Variants in AKAP6 observed in about 807,000 individuals in gnomAD.
AKAP6 encodes A-kinase anchoring protein 6.
Under a neutral mutation model 188.5 loss-of-function variants are expected in AKAP6, and 58 were observed. The observed-to-expected ratio is 0.31, with a 90% CI of 0.25 to 0.38. The LOEUF is 0.38. Among genes scored for constraint, AKAP6 ranks in the 10% least tolerant of loss-of-function variants. AKAP6 has a pLI of 1.00. For synonymous variants in AKAP6, 989 were observed against 998.6 expected (o/e 0.99, Z 0.18); for missense variants, 2,710 against 2,740.0 (o/e 0.99, Z 0.24).
chr14:32,433,878 G>A (rs1890298487), intron 2 of AKAP6, 61 bp downstream of exon 2: 3 of 1,486,410 alleles, frequency 2.0e-6, no homozygotes, highest in African/African-American at 1.4e-5. Context: ...GGCACCTAGA[G>A]ACTGTGTTCT....
intron 12 of AKAP6, among the ~76,000 whole-genome samples, chr14:32,783,442 T>C (rs974704374): frequency 6.6e-6 from 1 of 152,112 alleles, no homozygotes; most frequent in Non-Finnish European, 1.5e-5. Context: ...CATAAAATTT[T>C]ACATTGTAAT....
At chr14:32,740,255 C>A (rs553500794) in intron 11 of AKAP6, among the ~76,000 whole-genome samples, 2 of 151,890 alleles carry the variant, frequency 1.3e-5, no homozygotes, top group East Asian at 3.9e-4. Flanking sequence ...TGTTTGAGCT[C>A]CTTGTATATT....
intron 12 of AKAP6, among the ~76,000 whole-genome samples, chr14:32,789,293 G>T (rs2033532790): frequency 6.6e-6 from 1 of 152,220 alleles, no homozygotes; most frequent in Non-Finnish European, 1.5e-5. Context: ...AGCCATTCCA[G>T]CCTGCCAGCT....
chr14:32,361,722 C>A (rs1468027816), intron 1 of AKAP6, among the ~76,000 whole-genome samples: 3 of 152,110 alleles, frequency 2.0e-5, no homozygotes, highest in Non-Finnish European at 4.4e-5. Flanking sequence ...CAACAGAGAC[C>A]AGAGCTCACT....
At chr14:32,828,525 TCTCTCACACACACACACACA>T (rs1290888858) in intron 13 of AKAP6, among the ~76,000 whole-genome samples, 82 of 96,828 alleles carry the variant, frequency 8.5e-4, no homozygotes, top group Middle Eastern at 5.7e-3. Flanking sequence ...TCTCTCTCTC[TCTCTCACACACACACACACA>T]CACACACACA....
intron 2 of AKAP6, among the ~76,000 whole-genome samples, chr14:32,464,960 G>A (rs1199683743): frequency 6.6e-6 from 1 of 152,052 alleles, no homozygotes; most frequent in East Asian, 1.9e-4. Flanking sequence ...TAGACAAACA[G>A]TCAAATCACG....
At chr14:32,516,308 T>C (rs1232615395) in intron 2 of AKAP6, among the ~76,000 whole-genome samples, 1 of 152,160 alleles carries the variant, frequency 6.6e-6, no homozygotes, top group African/African-American at 2.4e-5. Context: ...TTATTGAGCC[T>C]TTTTTTCCTT....
chr14:32,458,333 GT>G (rs1238923792), intron 2 of AKAP6, among the ~76,000 whole-genome samples: 1 of 152,050 alleles, frequency 6.6e-6, no homozygotes, highest in African/African-American at 2.4e-5. Flanking sequence ...CTGGTATGTT[GT>G]TTTTTTCTTC....
intron 7 of AKAP6, among the ~76,000 whole-genome samples, chr14:32,663,013 G>T (rs958580361): frequency 3.3e-4 from 50 of 152,136 alleles, no homozygotes; most frequent in Admixed American, 1.6e-3. Flanking sequence ...TAGTGTAATT[G>T]TCACCCTCAA....
At chr14:32,693,919 T>C (rs1295875004) in intron 8 of AKAP6, among the ~76,000 whole-genome samples, 1 of 152,210 alleles carries the variant, frequency 6.6e-6, no homozygotes, top group Non-Finnish European at 1.5e-5. Context: ...TTATTCCTTA[T>C]TAGTCACAGA....
rs1425863605 is a variant in AKAP6, at chr14:32,786,299, T to G, written c.3588+12406T>G. Among the ~76,000 whole-genome samples the G allele has an allele frequency of 1.1e-3, 46 of 40,900 alleles. 11 individuals carry two copies. The highest frequency in any genetic ancestry group is 2.9e-3 in the East Asian group (3 of 1,046). The allele number at this position is 40,900 out of a possible 152,430, so 26.8% of individuals were successfully genotyped here. ...CCTCTGAAAGACCTAAACCTTTATC[T>G]TTTTTTTTTTTTTTTTTTTTTTTTT... On this transcript the variant is annotated intron_variant, in intron 12 of 13. Transcript: ENST00000280979.
At chr14:32,511,095 C>G (rs139752497) in intron 2 of AKAP6, among the ~76,000 whole-genome samples, 1 of 152,190 alleles carries the variant, frequency 6.6e-6, no homozygotes, top group East Asian at 1.9e-4. Context: ...ACAAGCAACA[C>G]GGACAAAGTT....
intron 1 of AKAP6, among the ~76,000 whole-genome samples, chr14:32,394,905 C>CA (rs1232539477): frequency 1.3e-5 from 2 of 152,090 alleles, no homozygotes; most frequent in Non-Finnish European, 2.9e-5. Context: ...TGGGGCAAAA[C>CA]AAATTGTGCG....
intron 7 of AKAP6, among the ~76,000 whole-genome samples, chr14:32,672,242 A>C (rs977348734): frequency 6.6e-6 from 1 of 152,214 alleles, no homozygotes; most frequent in Non-Finnish European, 1.5e-5. Flanking sequence ...AAATGCATAC[A>C]AAATAAAGGG....
At chr14:32,442,042 T>A (rs1890592532) in intron 2 of AKAP6, among the ~76,000 whole-genome samples, 1 of 152,210 alleles carries the variant, frequency 6.6e-6, no homozygotes, top group East Asian at 1.9e-4. Context: ...TTTAGGGGCA[T>A]CCACCAGAGG....
At chr14:32,573,970 A>G (rs1164174896) in intron 4 of AKAP6, among the ~76,000 whole-genome samples, 2 of 152,180 alleles carry the variant, frequency 1.3e-5, no homozygotes, top group Non-Finnish European at 2.9e-5. Context: ...CGGTGATAGT[A>G]CACAGATAGA....
At chr14:32,374,233 A>G (rs1021301792) in intron 1 of AKAP6, among the ~76,000 whole-genome samples, 2 of 149,650 alleles carry the variant, frequency 1.3e-5, no homozygotes, top group Non-Finnish European at 2.9e-5. Context: ...GGAAAAACAC[A>G]TACGTAAGTA....
rs1238740493 is a variant in AKAP6, at chr14:32,564,912, C to T, written c.2347-12208C>T. ...TCTTTATCTTTCTATCCTTGAGAGA[C>T]TTTGAGGAAATCCCTTTTCTCTGAA... On this transcript the variant is annotated intron_variant, in intron 4 of 13. Coordinates refer to ENST00000280979, the MANE Select transcript of AKAP6 (RefSeq NM_004274.5). 2.6e-5 allele frequency among the ~76,000 whole-genome samples: 4 copies of T among 152,176 alleles called. No individual in the cohort carries two copies. In the East Asian group the frequency reaches 7.7e-4, roughly 29 times the overall value.
chr14:32,431,024 G>A (rs1038878764), intron 1 of AKAP6, among the ~76,000 whole-genome samples: 6 of 151,732 alleles, frequency 4.0e-5, no homozygotes, highest in Non-Finnish European at 8.8e-5. Context: ...AGAATGGCGT[G>A]AACCCGGGAG....
Sources: allele counts gnomAD v4.1 joint callset (sites outside exome capture counted in the v4.1 genomes callset), GRCh38; gene constraint gnomAD v4.1.1; transcripts MANE v1.5; gene names NCBI Gene and HGNC (gene_info 2026-07-23, HGNC 2026-07-21).